The following DPP10 variants were observed in gnomAD, a reference collection of about 807,000 sequenced individuals.
DPP10 encodes dipeptidyl peptidase like 10.
In DPP10, 33 loss-of-function variants were observed where a neutral mutation model predicts 120.9. The ratio of observed to expected loss-of-function variants is 0.27; its 90% CI spans 0.21 to 0.37. DPP10 has a LOEUF of 0.37. DPP10 is among the 10% of genes least tolerant of loss of function. The pLI, the probability that DPP10 is intolerant of heterozygous loss-of-function variation, is 1.00. For synonymous variants in DPP10, 337 were observed against 326.1 expected, an observed-to-expected ratio of 1.03 and a Z score of -0.36; for missense variants, 816 against 942.8, an observed-to-expected ratio of 0.87 and a Z score of 1.76.
chr2:115,343,406 A>G (rs955387788), intron 2 of DPP10, among the ~76,000 whole-genome samples: 3 of 152,164 alleles, frequency 2.0e-5, no homozygotes, highest in African/African-American at 7.2e-5. Context: ...CCTCAAGTCT[A>G]CCATCTTTGG....
intron 5 of DPP10, among the ~76,000 whole-genome samples, chr2:115,648,612 TAAA>T (rs771052298): frequency 1.4e-5 from 2 of 137,958 alleles, no homozygotes; most frequent in Non-Finnish European, 3.2e-5. Flanking sequence ...CCCCGGAACT[TAAA>T]AAAAAAAAAA....
intron 1 of DPP10, among the ~76,000 whole-genome samples, chr2:114,810,182 C>T (rs1423584591): frequency 1.3e-5 from 2 of 152,166 alleles, no homozygotes; most frequent in African/African-American, 2.4e-5. Context: ...TTTTACTTCT[C>T]GATCTGAACT....
Position 114,693,067 on chromosome 2 carries a change from G to A in DPP10, c.60+250229G>A, listed in dbSNP as rs2196400. Among the ~76,000 whole-genome samples, 1,476 of 152,088 alleles carry A rather than the reference G, an allele frequency of 9.7e-3. 19 individuals carry two copies. The highest frequency in any genetic ancestry group is 0.034 in the African/African-American group (1,411 of 41,508). Reference sequence around the variant, plus strand: ...CTGTGTCTTTTAATTGGGGCATTAAGCCCATTTACATTTAAGATTAGTATT... The same window carrying A: ...CTGTGTCTTTTAATTGGGGCATTAAACCCATTTACATTTAAGATTAGTATT... On this transcript the variant is annotated intron_variant, in intron 1 of 25. Coordinates refer to ENST00000410059, the MANE Select transcript of DPP10 (RefSeq NM_020868.6).
At chr2:115,604,764 C>G (rs941180224) in intron 5 of DPP10, among the ~76,000 whole-genome samples, 1 of 152,040 alleles carries the variant, frequency 6.6e-6, no homozygotes, top group Non-Finnish European at 1.5e-5. Context: ...TTCATGAGGT[C>G]ATTTGCTTTT....
intron 3 of DPP10, among the ~76,000 whole-genome samples, chr2:115,463,353 G>A (rs2074108567): frequency 6.6e-6 from 1 of 152,076 alleles, no homozygotes; most frequent in Non-Finnish European, 1.5e-5. Flanking sequence ...ATTTATTTAA[G>A]CTGAACTAAT....
At chr2:114,752,294 C>T (rs1679306689) in intron 1 of DPP10, among the ~76,000 whole-genome samples, 1 of 152,172 alleles carries the variant, frequency 6.6e-6, no homozygotes, top group African/African-American at 2.4e-5. Context: ...CATCTTCTTA[C>T]TCTTCAGGTA....
At chr2:114,688,243 A>G (rs1699499297) in intron 1 of DPP10, among the ~76,000 whole-genome samples, 1 of 152,046 alleles carries the variant, frequency 6.6e-6, no homozygotes. Flanking sequence ...TCACAGAGAT[A>G]CAATATACTC....
chr2:115,079,194 C>A (rs1708049067), intron 1 of DPP10, among the ~76,000 whole-genome samples: 1 of 152,002 alleles, frequency 6.6e-6, no homozygotes. Flanking sequence ...TCCTGGCTAA[C>A]GCGGTGAAAC....
rs369818757 is a variant in DPP10 at position 115,573,428 on chromosome 2, G to A, written c.441+47456G>A. Among the ~76,000 whole-genome samples, 808 of 150,602 alleles carry A rather than the reference G, an allele frequency of 5.4e-3. 7 individuals carry two copies. The highest frequency in any genetic ancestry group is 0.018 in the African/African-American group (756 of 41,004). On this transcript the variant is annotated intron_variant, in intron 5 of 25. Coordinates refer to ENST00000410059, the MANE Select transcript of DPP10 (RefSeq NM_020868.6). ...CTCCCGAGTAGCTGGGACTACAGGC[G>A]CCCGCCACCACGCCCGGCTAATTTT... is the stretch of plus-strand genomic sequence containing the variant.
At chr2:115,393,260 C>T (rs1003169527) in intron 3 of DPP10, among the ~76,000 whole-genome samples, 8 of 150,180 alleles carry the variant, frequency 5.3e-5, no homozygotes, top group Admixed American at 1.3e-4. Context: ...TTGCAATTAG[C>T]GGAGATTGTG....
intron 8 of DPP10, among the ~76,000 whole-genome samples, chr2:115,731,713 C>T (rs2092915135): frequency 6.6e-6 from 1 of 152,158 alleles, no homozygotes; most frequent in Non-Finnish European, 1.5e-5. Context: ...CAAGACACAA[C>T]ACACGTTTTG....
intron 1 of DPP10, among the ~76,000 whole-genome samples, chr2:115,250,857 G>C (rs1344169545): frequency 6.6e-6 from 1 of 152,162 alleles, no homozygotes; most frequent in Admixed American, 6.5e-5. Context: ...GGGGAAATGT[G>C]TACTGAACTC....
intron 1 of DPP10, among the ~76,000 whole-genome samples, chr2:114,633,315 G>A (rs111681769): frequency 7.8e-6 from 1 of 128,788 alleles, no homozygotes; most frequent in African/African-American, 3.1e-5. Context: ...GCAGTGGCAC[G>A]ATCTCGGTTC....
At chr2:114,665,426 AT>A (rs1697849796) in intron 1 of DPP10, among the ~76,000 whole-genome samples, 1 of 151,996 alleles carries the variant, frequency 6.6e-6, no homozygotes, top group South Asian at 2.1e-4. Flanking sequence ...TTTTCTTGTA[AT>A]GCCGCCTATG....
chr2:115,184,082 A>G (rs1333965358), intron 1 of DPP10, among the ~76,000 whole-genome samples: 1 of 152,146 alleles, frequency 6.6e-6, no homozygotes, highest in African/African-American at 2.4e-5. Context: ...GGGAGAGGGA[A>G]TAGGGAACTC....
At chr2:115,415,571 T>A (rs1358470527) in intron 3 of DPP10, among the ~76,000 whole-genome samples, 1 of 152,200 alleles carries the variant, frequency 6.6e-6, no homozygotes, top group East Asian at 1.9e-4. Flanking sequence ...GCTTGCCAAG[T>A]GCACAAGGTT....
In DPP10 at chr2:115,727,956, T is replaced by C. The variant is rs373295959; in HGVS notation, c.697+20T>C. Reference sequence around the variant, plus strand: ...ATGAAGGTGAGTTGATCAGATTTAGTTTCAAAGGAAACAAATGACATATTT... The same window carrying C: ...ATGAAGGTGAGTTGATCAGATTTAGCTTCAAAGGAAACAAATGACATATTT... On this transcript the variant is annotated intron_variant, in intron 8 of 25. Coordinates refer to ENST00000410059, the MANE Select transcript of DPP10 (RefSeq NM_020868.6). The C allele has an allele frequency of 2.5e-6, 4 of 1,587,384 alleles. No individual in the cohort carries two copies. The African/African-American group carries it at 4.1e-5, about 16-fold the overall frequency.
At chr2:115,603,250 G>A (rs1279214014) in intron 5 of DPP10, among the ~76,000 whole-genome samples, 1 of 151,698 alleles carries the variant, frequency 6.6e-6, no homozygotes, top group East Asian at 1.9e-4. Flanking sequence ...TCAAGACACA[G>A]CCTGTGGTCT....
intron 1 of DPP10, among the ~76,000 whole-genome samples, chr2:114,511,349 GC>G (rs1684131536): frequency 6.6e-6 from 1 of 152,192 alleles, no homozygotes; most frequent in African/African-American, 2.4e-5. Context: ...AGCTTATGGA[GC>G]AGGTAAAAAG....
Sources: gnomAD v4.1 joint callset for allele counts (sites outside exome capture counted in the v4.1 genomes callset) on GRCh38, gnomAD v4.1.1 for gene constraint, MANE v1.5 for transcripts, NCBI Gene and HGNC (gene_info 2026-07-23, HGNC 2026-07-21) for gene names.